STXBP5L: variants seen among roughly 807,000 people sequenced by gnomAD.
STXBP5L encodes syntaxin binding protein 5L.
A neutral mutation model predicts 144.5 loss-of-function variants in STXBP5L; 65 were observed. The ratio of observed to expected loss-of-function variants is 0.45; its 90% confidence interval spans 0.37 to 0.55. The LOEUF is 0.55. Ranked by LOEUF, STXBP5L falls within the 20% of genes least tolerant of loss-of-function variation. STXBP5L has a pLI of 0.00. For missense variants in STXBP5L, 1,298 were observed against 1,405.5 expected, an observed-to-expected ratio of 0.92 and a Z score of 1.22; for synonymous variants, 505 against 469.6, an observed-to-expected ratio of 1.08 and a Z score of -0.97.
intron 5 of STXBP5L, among the ~76,000 whole-genome samples, chr3:121,057,554 A>C (rs964564629): frequency 6.6e-6 from 1 of 152,040 alleles, no homozygotes; most frequent in African/African-American, 2.4e-5. Flanking sequence ...TGTTTTTGAC[A>C]CATATAAAAA....
intron 5 of STXBP5L, among the ~76,000 whole-genome samples, chr3:121,103,916 A>T (rs575206641): frequency 3.9e-5 from 6 of 152,218 alleles, no homozygotes; most frequent in Non-Finnish European, 8.8e-5. Flanking sequence ...TATTTACTGC[A>T]GACAGGGTAT....
intron 19 of STXBP5L, among the ~76,000 whole-genome samples, chr3:121,314,490 C>T (rs1345356136): frequency 5.9e-4 from 85 of 144,790 alleles, no homozygotes; most frequent in African/African-American, 2.1e-3. Context: ...AGGCACTCGG[C>T]AGGCTGAGGC....
At chr3:120,998,508 T>C (rs1943528738) in intron 3 of STXBP5L, among the ~76,000 whole-genome samples, 1 of 152,094 alleles carries the variant, frequency 6.6e-6, no homozygotes, top group South Asian at 2.1e-4. Flanking sequence ...CATTAGGTAT[T>C]TCTCCTAATG....
At chr3:121,108,974 C>T (rs1369655900) in intron 5 of STXBP5L, among the ~76,000 whole-genome samples, 1 of 152,030 alleles carries the variant, frequency 6.6e-6, no homozygotes, top group Non-Finnish European at 1.5e-5. Context: ...TTATCCATTT[C>T]CTCTGGATTT....
intron 9 of STXBP5L, among the ~76,000 whole-genome samples, chr3:121,171,863 T>C (rs1490713503): frequency 6.6e-6 from 1 of 152,156 alleles, no homozygotes; most frequent in Non-Finnish European, 1.5e-5. Context: ...TTAAGTTTCA[T>C]ATGGAAGCAA....
Position 121,413,362 on chromosome 3 carries a change from A to G in STXBP5L, c.3114+39A>G, listed in dbSNP as rs201318416. On this transcript the variant is annotated intron_variant, in intron 24 of 26. Transcript: ENST00000471454. The stretch of plus-strand genomic sequence containing the variant: ...TACATTTATGAAAAAGACATTGGAC[A>G]TGGTTGAGAGAATGAGAAAGATGTC... The G allele has an allele frequency of 6.0e-5, 89 of 1,479,330 alleles. 1 individual carries two copies. In the East Asian group the frequency reaches 2.2e-3, roughly 36 times the overall value. The allele number at this position is 1,479,330 out of a possible 1,614,324, so 91.6% of individuals were successfully genotyped here. A position where few individuals can be genotyped will look rare whatever the true frequency, so the allele number is the denominator to read the frequency against.
chr3:121,056,361 C>T (rs963066027), intron 5 of STXBP5L, among the ~76,000 whole-genome samples: 16 of 152,058 alleles, frequency 1.1e-4, no homozygotes, highest in African/African-American at 3.6e-4. Flanking sequence ...GATATACAGA[C>T]CCTTAAATTA....
intron 17 of STXBP5L, 141 bp from the exon 18 acceptor site, chr3:121,258,902 T>C (rs1245360833): frequency 4.1e-6 from 3 of 737,600 alleles, no homozygotes; most frequent in Non-Finnish European, 5.7e-6. Context: ...TTGAGAAAAC[T>C]AGAAGGCACC....
At chr3:121,048,708 C>T (rs1403449322) in intron 5 of STXBP5L, among the ~76,000 whole-genome samples, 4 of 142,012 alleles carry the variant, frequency 2.8e-5, no homozygotes, top group Non-Finnish European at 4.5e-5. Context: ...TTTTTTAAGA[C>T]AGAGTCTTGC....
intron 7 of STXBP5L, among the ~76,000 whole-genome samples, chr3:121,124,882 G>C (rs2044632736): frequency 6.6e-6 from 1 of 152,032 alleles, no homozygotes; most frequent in Non-Finnish European, 1.5e-5. Flanking sequence ...AAGTAAAATG[G>C]TTGTTGCAGG....
At chr3:121,076,971 G>A (rs1315352743) in intron 5 of STXBP5L, among the ~76,000 whole-genome samples, 1 of 152,096 alleles carries the variant, frequency 6.6e-6, no homozygotes, top group Non-Finnish European at 1.5e-5. Flanking sequence ...TGGACTGTAT[G>A]CAGTGTCCTA....
At chr3:121,225,198 T>C (rs1038876229) in intron 11 of STXBP5L, among the ~76,000 whole-genome samples, 1 of 152,076 alleles carries the variant, frequency 6.6e-6, no homozygotes, top group African/African-American at 2.4e-5. Context: ...GAAACTTTCC[T>C]AATCTAGCTC....
chr3:121,154,590 C>T (rs1051204659), intron 8 of STXBP5L, among the ~76,000 whole-genome samples: 2 of 151,554 alleles, frequency 1.3e-5, no homozygotes, highest in African/African-American at 4.8e-5. Flanking sequence ...TATGTCTTTA[C>T]CCTCATTTCT....
chr3:121,272,546 T>G (rs1235188147), intron 18 of STXBP5L, among the ~76,000 whole-genome samples: 1 of 152,214 alleles, frequency 6.6e-6, no homozygotes, highest in Non-Finnish European at 1.5e-5. Flanking sequence ...AGCATATAGT[T>G]GGATCTTAAT....
Position 121,116,408 on chromosome 3 carries a change from A to T in STXBP5L, c.605+1349A>T, listed in dbSNP as rs78794019. 2.9e-3 allele frequency among the ~76,000 whole-genome samples: 443 copies of T among 152,164 alleles called. 1 individual carries two copies. Among genetic ancestry groups the T allele is most frequent in the Non-Finnish European group, 4.6e-3 (310 of 67,988 alleles). On this transcript the variant is annotated intron_variant, in intron 6 of 26. Coordinates refer to ENST00000471454, the MANE Select transcript of STXBP5L (RefSeq NM_001308330.2). ...ACTCTTGTCATGATACTCCTTTTGT[A>T]TTATGTCTGAATGGGTCTTTTATTA...
intron 3 of STXBP5L, among the ~76,000 whole-genome samples, chr3:120,979,273 C>G (rs1193186955): frequency 6.6e-6 from 1 of 152,212 alleles, no homozygotes; most frequent in Non-Finnish European, 1.5e-5. Flanking sequence ...CCCCCAGCCT[C>G]ACTGCCGCCT....
intron 22 of STXBP5L, among the ~76,000 whole-genome samples, chr3:121,389,849 G>C (rs551331492): frequency 4.6e-5 from 7 of 152,300 alleles, no homozygotes; most frequent in South Asian, 2.1e-4. Flanking sequence ...GTGCTGAGAA[G>C]AATGTATATT....
intron 7 of STXBP5L, among the ~76,000 whole-genome samples, chr3:121,133,832 C>T (rs1039622550): frequency 2.0e-5 from 3 of 152,112 alleles, no homozygotes; most frequent in African/African-American, 2.4e-5. Context: ...GCATGTCTTA[C>T]ATGGTGACAG....
chr3:121,180,232 C>G (rs1313738098), intron 9 of STXBP5L, among the ~76,000 whole-genome samples: 2 of 152,166 alleles, frequency 1.3e-5, no homozygotes, highest in African/African-American at 2.4e-5. Context: ...AGATTAGCAG[C>G]AGATTTGTCA....
Sources: allele counts gnomAD v4.1 joint callset (sites outside exome capture counted in the v4.1 genomes callset), GRCh38; gene constraint gnomAD v4.1.1; transcripts MANE v1.5; gene names NCBI Gene and HGNC (gene_info 2026-07-23, HGNC 2026-07-21).